Variants in GLRX5 observed in about 807,000 individuals in gnomAD.
GLRX5 encodes the protein glutaredoxin-related protein 5, mitochondrial.
Under a neutral mutation model 13.8 loss-of-function variants are expected in GLRX5, and 10 were observed. That is an observed-to-expected ratio of 0.72 (90% CI 0.45 to 1.23). The LOEUF is 1.23. Ranked by LOEUF, GLRX5 falls within the 50% of genes most tolerant of loss-of-function variation. The probability of loss-of-function intolerance (pLI) is 0.00; values close to 1 mark genes in which losing one functional copy is unlikely to be tolerated. For missense variants in GLRX5, 233 were observed against 215.2 expected, an observed-to-expected ratio of 1.08 and a Z score of -0.52; for synonymous variants, 98 against 101.1, an observed-to-expected ratio of 0.97 and a Z score of 0.18.
intron 1 of GLRX5, 135 bp downstream of exon 1, chr14:95,535,519 G>A: frequency 2.4e-6 from 2 of 843,976 alleles, no homozygotes; most frequent in South Asian, 1.6e-5. Flanking sequence ...GTTCGAGCCG[G>A]GTTAGGGCGA....
rs955421878 is a variant in GLRX5, at chr14:95,535,195, G to A, written c.106G>A (p.Ala36Thr). The change falls in exon 1 of 2, where the codon GCG becomes ACG. Residue 36 changes from alanine (A) to threonine (T), a missense_variant. Physicochemically the swap from Ala to Thr is moderately conservative, Grantham distance 58. Transcript: ENST00000331334. The part of the protein sequence containing the change: ...GPGVRAAGSG[A>T]GGGGSAEQLD... ...GGGCGTGCGGGCGGCGGGCTCGGGCGCGGGCGGCGGCGGCTCGGCGGAGCA... is the reference window on the plus strand; with the variant it reads ...GGGCGTGCGGGCGGCGGGCTCGGGCACGGGCGGCGGCGGCTCGGCGGAGCA... 6.7e-7 allele frequency: 1 copy of A among 1,502,268 alleles called. No homozygotes were observed. Among genetic ancestry groups the A allele is most frequent in the African/African-American group, 1.4e-5 (1 of 69,038 alleles). The allele number at this position is 1,502,268 out of a possible 1,614,324, so 93.1% of individuals were successfully genotyped here.
At position 95,544,559 on chromosome 14, in the gene GLRX5, G is replaced by T; in HGVS notation, c.*434G>T. 4.9e-6 allele frequency: 1 copy of T among 205,142 alleles called. No homozygotes were observed. Among genetic ancestry groups the T allele is most frequent in the African/African-American group, 2.3e-5 (1 of 42,880 alleles). 12.7% of individuals were successfully genotyped at this position (205,142 alleles called of 1,614,324 possible). A position where few individuals can be genotyped will look rare whatever the true frequency, so the allele number is the denominator to read the frequency against. ...AAAAAGAAACTGTGATAACTGGGGC[G>T]TTGTTTTTTAAAATAAACTCCAGCA... is the stretch of plus-strand genomic sequence containing the variant. On this transcript the variant is annotated 3_prime_UTR_variant, in exon 2 of 2. Coordinates refer to ENST00000331334, the MANE Select transcript of GLRX5 (RefSeq NM_016417.3).
At chr14:95,543,784 CA>C in intron 1 of GLRX5, 162 bp from the exon 2 acceptor site, 2 of 666,954 alleles carry the variant, frequency 3.0e-6, no homozygotes, top group Non-Finnish European at 5.4e-6. Context: ...CTCTTTGACA[CA>C]AAAACTCATG....
intron 1 of GLRX5, 61 bp downstream of exon 1, chr14:95,535,445 G>A (rs1184443811): frequency 1.4e-6 from 2 of 1,465,654 alleles, no homozygotes; most frequent in African/African-American, 1.4e-5. Context: ...CGCTGCACGA[G>A]GCCGAGGGGT....
At position 95,538,176 on chromosome 14, in the gene GLRX5, T is replaced by C. The variant is rs547411616; in HGVS notation, c.295+2792T>C. 3.9e-4 allele frequency among the ~76,000 whole-genome samples: 60 copies of C among 152,354 alleles called. 1 individual carries two copies. The highest frequency in any genetic ancestry group is 2.1e-4 in the South Asian group (1 of 4,830). ...CCTCCAGAGACGAGGGAATATGTCT[T>C]ATGCCACTGCCTGTGGTGCTGTGTG... On this transcript the variant is annotated intron_variant, in intron 1 of 1. Transcript: ENST00000331334.
In GLRX5 at chr14:95,535,150, G is replaced by A. The variant is rs1891337551; in HGVS notation, c.61G>A (p.Gly21Ser). The A allele has an allele frequency of 2.4e-6, 3 of 1,258,928 alleles. No individual in the cohort carries two copies. The highest frequency in any genetic ancestry group is 3.0e-5 in the South Asian group (1 of 33,024). 78.0% of individuals were successfully genotyped at this position (1,258,928 alleles called of 1,614,324 possible). The part of the protein sequence containing the change: ...ALLRWGRGAG[G>S]GGLWGPGVRA... ...GCTCCGCTGGGGGCGCGGCGCGGGC[G>A]GCGGTGGCCTTTGGGGTCCGGGCGT... The change falls in exon 1 of 2, where the codon GGC (glycine) becomes AGC (serine). Residue 21 changes from glycine (G) to serine (S), a missense_variant. By Grantham distance (56) the Gly-to-Ser change is moderately conservative. Coordinates refer to ENST00000331334, the MANE Select transcript of GLRX5 (RefSeq NM_016417.3).
At chr14:95,537,805 A>AGAC (rs1891405912) in intron 1 of GLRX5, among the ~76,000 whole-genome samples, 1 of 152,252 alleles carries the variant, frequency 6.6e-6, no homozygotes, top group African/African-American at 2.4e-5. Flanking sequence ...AGTGTGATAC[A>AGAC]GACACATCTT....
intron 1 of GLRX5, among the ~76,000 whole-genome samples, chr14:95,540,459 T>A (rs112975483): frequency 6.6e-6 from 1 of 152,140 alleles, no homozygotes; most frequent in Non-Finnish European, 1.5e-5. Context: ...GCTAAAAGAT[T>A]AACAGATTTG....
In GLRX5 at chr14:95,535,290, C is replaced by T; in HGVS notation, c.201C>T (p.Cys67=). Residue 67 remains cysteine, a synonymous_variant, in exon 1 of 2, where the codon TGC becomes TGT. Transcript: ENST00000331334. The part of the protein sequence containing the change: ...FLKGTPEQPQ[C]GFSNAVVQIL... ...AGGGGACGCCGGAGCAGCCCCAGTG[C>T]GGCTTCAGCAACGCCGTGGTGCAGA... 1.3e-6 allele frequency: 2 copies of T among 1,565,678 alleles called. No individual in the cohort carries two copies. The highest frequency in any genetic ancestry group is 1.7e-6 in the Non-Finnish European group (2 of 1,156,054).
intron 1 of GLRX5, among the ~76,000 whole-genome samples, chr14:95,540,676 G>A: frequency 6.6e-6 from 1 of 152,166 alleles, no homozygotes; most frequent in East Asian, 1.9e-4. Flanking sequence ...GGTGTAACTT[G>A]CCCAAGATCA....
At chr14:95,537,175 A>C (rs1359929819) in intron 1 of GLRX5, among the ~76,000 whole-genome samples, 1 of 152,136 alleles carries the variant, frequency 6.6e-6, no homozygotes, top group African/African-American at 2.4e-5. Context: ...TTGTGAATTT[A>C]TTTTCTCTTG....
chr14:95,535,321 C>G lies in GLRX5; in HGVS notation c.232C>G (p.Arg78Gly). 1.3e-6 allele frequency: 2 copies of G among 1,555,268 alleles called. No homozygotes were observed. The highest frequency in any genetic ancestry group is 1.2e-5 in the South Asian group (1 of 84,486). ...GFSNAVVQIL[R>G]LHGVRDYAAY... Reference sequence around the variant, plus strand: ...CAGCAACGCCGTGGTGCAGATCCTGCGGCTGCACGGCGTCCGCGATTACGC... The same window carrying G: ...CAGCAACGCCGTGGTGCAGATCCTGGGGCTGCACGGCGTCCGCGATTACGC... The change falls in exon 1 of 2, where the codon CGG (arginine) becomes GGG (glycine). Residue 78 changes from arginine (R) to glycine (G), a missense_variant. Physicochemically the swap from Arg to Gly is moderately radical, Grantham distance 125. Coordinates refer to ENST00000331334, the MANE Select transcript of GLRX5 (RefSeq NM_016417.3).
At chr14:95,539,288 G>A (rs944857024) in intron 1 of GLRX5, among the ~76,000 whole-genome samples, 13 of 152,156 alleles carry the variant, frequency 8.5e-5, no homozygotes, top group African/African-American at 1.7e-4. Flanking sequence ...CTGTGTTGGC[G>A]CGTTCATTGC....
Position 95,535,067 on chromosome 14 carries a change from T to A in GLRX5, c.-23T>A. 3 of 1,334,354 alleles carry A rather than the reference T, an allele frequency of 2.2e-6. No homozygotes were observed. Among genetic ancestry groups the A allele is most frequent in the Non-Finnish European group, 2.9e-6 (3 of 1,030,830 alleles). The allele number at this position is 1,334,354 out of a possible 1,614,324, so 82.7% of individuals were successfully genotyped here. A position where few individuals can be genotyped will look rare whatever the true frequency, so the allele number is the denominator to read the frequency against. On this transcript the variant is annotated 5_prime_UTR_variant, in exon 1 of 2. Coordinates refer to ENST00000331334, the MANE Select transcript of GLRX5 (RefSeq NM_016417.3). ...GGCCAGCTGTGGGCCCGGGCCGTCG[T>A]GGGCTCCGGCTTGCGTGCGGAGATG...
intron 1 of GLRX5, among the ~76,000 whole-genome samples, chr14:95,536,141 C>T (rs2139647531): frequency 6.6e-6 from 1 of 152,262 alleles, no homozygotes; most frequent in Non-Finnish European, 1.5e-5. Context: ...ACTGGCTCAG[C>T]CTTGGAGCCC....
chr14:95,543,704 A>T, intron 1 of GLRX5: 3 of 532,584 alleles, frequency 5.6e-6, no homozygotes, highest in Non-Finnish European at 1.0e-5. Flanking sequence ...TGGAAACAGG[A>T]TGAGAGGTCA....
chr14:95,537,503 G>A (rs1197205514), intron 1 of GLRX5, among the ~76,000 whole-genome samples: 1 of 152,240 alleles, frequency 6.6e-6, no homozygotes, highest in East Asian at 1.9e-4. Flanking sequence ...TGGGCAGGGT[G>A]GTAAAAGCAC....
In GLRX5 at chr14:95,544,046, G is replaced by C; in HGVS notation, c.395G>C (p.Gly132Ala). The C allele has an allele frequency of 6.2e-7, 1 of 1,613,904 alleles. No homozygotes were observed. Among genetic ancestry groups the C allele is most frequent in the Non-Finnish European group, 8.5e-7 (1 of 1,179,778 alleles). ...CDILLQMHQNGDLVEELKKLG... is the reference protein window; with the variant it reads ...CDILLQMHQNADLVEELKKLG... Reference sequence around the variant, plus strand: ...ATTCTTCTGCAGATGCACCAGAATGGGGACTTGGTGGAAGAACTGAAAAAG... The same window carrying C: ...ATTCTTCTGCAGATGCACCAGAATGCGGACTTGGTGGAAGAACTGAAAAAG... Residue 132 changes from glycine (G) to alanine (A), a missense_variant, in exon 2 of 2, where the codon GGG (glycine) becomes GCG (alanine). Transcript: ENST00000331334.
intron 1 of GLRX5, 81 bp downstream of exon 1, chr14:95,535,465 C>T (rs1246145670): frequency 1.5e-6 from 2 of 1,364,882 alleles, no homozygotes; most frequent in African/African-American, 1.4e-5. Context: ...TTCCGCCGCG[C>T]CGGGCTGGGG....
Sources: gnomAD v4.1 joint callset for allele counts (sites outside exome capture counted in the v4.1 genomes callset) on GRCh38, gnomAD v4.1.1 for gene constraint, MANE v1.5 for transcripts, NCBI Gene and HGNC (gene_info 2026-07-23, HGNC 2026-07-21) for gene names.